The following PARD3B variants were observed in gnomAD, a reference collection of about 807,000 sequenced individuals.
PARD3B encodes partitioning defective 3 homolog B.
A neutral mutation model predicts 130.2 loss-of-function variants in PARD3B; 103 were observed. That is an observed-to-expected ratio of 0.79 (90% confidence interval 0.67 to 0.93). The LOEUF (loss-of-function observed/expected upper bound fraction) is 0.93. Among genes scored for constraint, PARD3B ranks in the 40% least tolerant of loss-of-function variants. PARD3B has a pLI of 0.00. For synonymous variants in PARD3B, 583 were observed against 553.2 expected (o/e 1.05, Z -0.76); for missense variants, 1,609 against 1,499.2 (o/e 1.07, Z -1.21).
intron 16 of PARD3B, among the ~76,000 whole-genome samples, chr2:205,262,417 A>C (rs897427821): frequency 6.6e-6 from 1 of 152,014 alleles, no homozygotes. Flanking sequence ...TGGGCATGGC[A>C]ACGAGAACTG....
chr2:204,729,099 A>T (rs556746087), intron 2 of PARD3B, among the ~76,000 whole-genome samples: 1 of 152,328 alleles, frequency 6.6e-6, no homozygotes, highest in African/African-American at 2.4e-5. Context: ...GTGAAGCCTG[A>T]TGCAAAGCCT....
intron 2 of PARD3B, among the ~76,000 whole-genome samples, chr2:204,707,862 T>C (rs2038250407): frequency 1.3e-5 from 2 of 152,176 alleles, no homozygotes; most frequent in African/African-American, 4.8e-5. Flanking sequence ...TTTTAAGCTT[T>C]TAATTTTACC....
intron 15 of PARD3B, among the ~76,000 whole-genome samples, chr2:205,206,960 C>G (rs1253833124): frequency 6.8e-6 from 1 of 147,758 alleles, no homozygotes; most frequent in African/African-American, 2.6e-5. Context: ...TGACCACATA[C>G]TTGGAAGTAA....
intron 19 of PARD3B, among the ~76,000 whole-genome samples, chr2:205,410,967 CA>C (rs1366276810): frequency 6.6e-6 from 1 of 152,160 alleles, no homozygotes; most frequent in African/African-American, 2.4e-5. Context: ...TTACAAACTC[CA>C]AACTTTGAAT....
At chr2:205,151,459 A>C (rs1559488142) in intron 10 of PARD3B, among the ~76,000 whole-genome samples, 1 of 152,194 alleles carries the variant, frequency 6.6e-6, no homozygotes, top group Non-Finnish European at 1.5e-5. Context: ...TATTGGGTGC[A>C]TATATATTTA....
At chr2:205,604,826 G>C (rs915050629) in intron 22 of PARD3B, among the ~76,000 whole-genome samples, 1 of 152,162 alleles carries the variant, frequency 6.6e-6, no homozygotes, top group Admixed American at 6.5e-5. Flanking sequence ...TGTTTTCGCT[G>C]TCTCTTTCAG....
chr2:205,101,188 A>G (rs1419030048), intron 4 of PARD3B, among the ~76,000 whole-genome samples: 2 of 152,204 alleles, frequency 1.3e-5, no homozygotes, highest in African/African-American at 2.4e-5. Context: ...ACAAAGGGCC[A>G]ATAATCACAG....
intron 3 of PARD3B, among the ~76,000 whole-genome samples, chr2:205,034,649 G>A (rs1697671764): frequency 6.6e-6 from 1 of 152,018 alleles, no homozygotes; most frequent in Non-Finnish European, 1.5e-5. Flanking sequence ...AACTTGGGGG[G>A]ATTGCTATTT....
chr2:205,537,736 A>G (rs935997569), intron 21 of PARD3B, among the ~76,000 whole-genome samples: 5 of 152,222 alleles, frequency 3.3e-5, no homozygotes, highest in African/African-American at 1.2e-4. Flanking sequence ...TCCAGTCACT[A>G]GAACTACACA....
intron 1 of PARD3B, among the ~76,000 whole-genome samples, chr2:204,566,620 C>T (rs1191029579): frequency 6.6e-6 from 1 of 152,100 alleles, no homozygotes; most frequent in Non-Finnish European, 1.5e-5. Flanking sequence ...AATGATGTTG[C>T]AACTGAACTA....
Position 204,697,964 on chromosome 2 carries a change from G to A in PARD3B, c.222+11682G>A, listed in dbSNP as rs371097688. Among the ~76,000 whole-genome samples, 7 of 152,032 alleles carry A rather than the reference G, an allele frequency of 4.6e-5. No homozygotes were observed. In the South Asian group the frequency reaches 6.2e-4, roughly 13 times the overall value. ...TCATCTTGTGGGAGAAATTTTCTCCGAATTTTATTTTGTTGTTATGAAGTT... is the reference window on the plus strand; with the variant it reads ...TCATCTTGTGGGAGAAATTTTCTCCAAATTTTATTTTGTTGTTATGAAGTT... On this transcript the variant is annotated intron_variant, in intron 2 of 22. Transcript: ENST00000406610.
chr2:205,174,512 A>T (rs1276432604), intron 12 of PARD3B, among the ~76,000 whole-genome samples: 2 of 152,180 alleles, frequency 1.3e-5, no homozygotes, highest in South Asian at 2.1e-4. Flanking sequence ...AAAAATTGCA[A>T]CTGTTTGATC....
intron 15 of PARD3B, among the ~76,000 whole-genome samples, chr2:205,196,920 T>A (rs1300864864): frequency 6.6e-6 from 1 of 152,084 alleles, no homozygotes; most frequent in Non-Finnish European, 1.5e-5. Flanking sequence ...TTTCTTCCTT[T>A]GTGAAATTAC....
intron 21 of PARD3B, among the ~76,000 whole-genome samples, chr2:205,518,172 G>A (rs1330573502): frequency 6.6e-6 from 1 of 152,116 alleles, no homozygotes; most frequent in African/African-American, 2.4e-5. Context: ...AATAATGTCA[G>A]TGGAGTGTAG....
Position 205,082,415 on chromosome 2 carries a change from A to G in PARD3B, c.505-22011A>G, listed in dbSNP as rs116197110. Among the ~76,000 whole-genome samples the G allele has an allele frequency of 3.2e-3, 489 of 152,290 alleles. 2 individuals are homozygous for G. Among genetic ancestry groups the G allele is most frequent in the African/African-American group, 0.011 (448 of 41,568 alleles). ...CAATTATAGCAATGTGCTGTGATAA[A>G]AGTCATGGAAATGTGTGTTTGCTTT... On this transcript the variant is annotated intron_variant, in intron 4 of 22. Transcript: ENST00000406610.
At chr2:205,103,856 A>G in intron 4 of PARD3B, 1 of 492,618 alleles carries the variant, frequency 2.0e-6, no homozygotes, top group Non-Finnish European at 2.6e-6. Flanking sequence ...CCTGTTTACA[A>G]TTTTAGAAAT....
rs539215720 is a variant in PARD3B at position 205,244,918 on chromosome 2, G to A, written c.2141-860G>A. ...CTATTCCCAGCCCTGTGTGAACTTC[G>A]GATGCTGTTCCTCTTCCAGTTTGGA... is the stretch of plus-strand genomic sequence containing the variant. On this transcript the variant is annotated intron_variant, in intron 15 of 22. Coordinates refer to ENST00000406610, the MANE Select transcript of PARD3B (RefSeq NM_001302769.2). The surrounding 1 kb of genome is among the most constrained non-coding windows in gnomAD (Gnocchi z 4.7). Among the ~76,000 whole-genome samples the A allele has an allele frequency of 1.2e-4, 18 of 152,250 alleles. No individual in the cohort carries two copies. The highest frequency in any genetic ancestry group is 3.6e-4 in the African/African-American group (15 of 41,546).
intron 3 of PARD3B, among the ~76,000 whole-genome samples, chr2:205,016,467 T>A (rs1696158193): frequency 6.6e-6 from 1 of 152,194 alleles, no homozygotes; most frequent in African/African-American, 2.4e-5. Context: ...ACTCAGGAAC[T>A]CTTTGGACAC....
chr2:205,020,888 C>T (rs182133761), intron 3 of PARD3B, among the ~76,000 whole-genome samples: 8 of 152,178 alleles, frequency 5.3e-5, no homozygotes, highest in Non-Finnish European at 8.8e-5. Context: ...AAGGTTAATA[C>T]GAGCAGGCTA....
Sources: allele counts gnomAD v4.1 joint callset (sites outside exome capture counted in the v4.1 genomes callset), GRCh38; gene constraint gnomAD v4.1.1; non-coding constraint Gnocchi (gnomAD v3.1); transcripts MANE v1.5; gene names NCBI Gene and HGNC (gene_info 2026-07-23, HGNC 2026-07-21).